TMEM35B: variants seen among roughly 807,000 people sequenced by gnomAD.
TMEM35B encodes ZMYM6 neighbor protein.
TMEM35B carries 6 observed loss-of-function variants against 8.7 expected under a neutral mutation model. That is an observed-to-expected ratio of 0.69 (90% CI 0.38 to 1.36). TMEM35B has a LOEUF of 1.36. Among genes scored for constraint, TMEM35B ranks in the 40% most tolerant of loss-of-function variants. TMEM35B has a pLI of 0.02. For synonymous variants in TMEM35B, 89 were observed against 87.0 expected (o/e 1.02, Z -0.13); for missense variants, 176 against 181.6 (o/e 0.97, Z 0.18).
At chr1:34,981,966 G>A (rs1343228069) in exon 3 of TMEM35B, 8 of 1,543,898 alleles carry the variant, frequency 5.2e-6, no homozygotes, top group Non-Finnish European at 7.0e-6. Flanking sequence ...TTCCTTGAAT[G>A]TACTTAGAGT....
At chr1:34,983,788 A>T in exon 2 of TMEM35B, 1 of 1,535,260 alleles carries the variant, frequency 6.5e-7, no homozygotes, top group Non-Finnish European at 8.8e-7. Flanking sequence ...AGAATCAAGA[A>T]CAAGTTACTG....
At chr1:34,981,446 C>T (rs1640505896), downstream of TMEM35B, 1 of 152,128 alleles carries the variant, frequency 6.6e-6, no homozygotes, top group Admixed American at 6.5e-5. Context: ...CCCAAATGTT[C>T]CTCATGGGGG....
chr1:34,985,148 G>A lies in TMEM35B; in HGVS notation c.108+50C>T, dbSNP rs1229862245. 3.5e-6 allele frequency: 5 copies of A among 1,436,716 alleles called. No individual in the cohort carries two copies. In the Admixed American group the frequency reaches 1.1e-4, roughly 32 times the overall value. 89.0% of individuals were successfully genotyped at this position (1,436,716 alleles called of 1,614,324 possible). A position where few individuals can be genotyped will look rare whatever the true frequency, so the allele number is the denominator to read the frequency against. Reference sequence around the variant, plus strand: ...CGGGGGCGAGGAGCGGCAGGGCGGAGCACACGCCGCCGCGGGCCCGATCCC... The same window carrying A: ...CGGGGGCGAGGAGCGGCAGGGCGGAACACACGCCGCCGCGGGCCCGATCCC... On this transcript the variant is annotated intron_variant, in intron 1 of 2. Transcript: ENST00000373337.
At position 34,983,590 on chromosome 1, in the gene TMEM35B, A is replaced by C. The variant is rs1416611205; in HGVS notation, c.289+177T>G. On this transcript the variant is annotated intron_variant, in intron 2 of 2. Transcript: ENST00000373337. ...CGAGACTCCATCTCAAAAAAAAAAA[A>C]AAAAAAAAAAAAAAATACCTGTGCT... Among the ~76,000 whole-genome samples, 19 of 150,736 alleles carry C rather than the reference A, an allele frequency of 1.3e-4. 1 individual carries two copies. The highest frequency in any genetic ancestry group is 4.4e-4 in the African/African-American group (18 of 40,746).
intron 2 of TMEM35B, among the ~76,000 whole-genome samples, chr1:34,983,386 G>T (rs1170148297): frequency 6.6e-6 from 1 of 151,926 alleles, no homozygotes; most frequent in Non-Finnish European, 1.5e-5. Flanking sequence ...AGACCATCCT[G>T]GCTAACATGG....
Position 34,985,285 on chromosome 1 carries a change from C to T in TMEM35B, c.21G>A (p.Val7=), listed in dbSNP as rs1387662568. The change falls in exon 1 of 3, where the codon GTG becomes GTA. Residue 7 remains valine (V), a synonymous_variant. Transcript: ENST00000373337. Reference sequence around the variant, plus strand: ...AGAAGCCGCCCAGCAGTACACGCAGCACCGAAAGCAGGAGCGCCATGGCCG... The same window carrying T: ...AGAAGCCGCCCAGCAGTACACGCAGTACCGAAAGCAGGAGCGCCATGGCCG... The T allele has an allele frequency of 1.9e-6, 3 of 1,539,652 alleles. No homozygotes were observed. The African/African-American group carries it at 4.2e-5, about 21-fold the overall frequency.
chr1:34,983,014 C>G (rs1440625199), intron 2 of TMEM35B, among the ~76,000 whole-genome samples: 1 of 152,154 alleles, frequency 6.6e-6, no homozygotes, highest in African/African-American at 2.4e-5. Flanking sequence ...GTGGGCAGAG[C>G]TACTTGAGGG....
chr1:34,984,290 G>A (rs1640539486), intron 1 of TMEM35B, among the ~76,000 whole-genome samples: 1 of 152,214 alleles, frequency 6.6e-6, no homozygotes, highest in African/African-American at 2.4e-5. Context: ...CCTTCTTTGT[G>A]TCTGGCCTGG....
At chr1:34,983,995 G>T in intron 1 of TMEM35B, 48 bp from the exon 2 acceptor site, 2 of 1,407,228 alleles carry the variant, frequency 1.4e-6, no homozygotes, top group African/African-American at 2.9e-5. Flanking sequence ...CAACAAGGAT[G>T]AGCTCCCCAG....
exon 2 of TMEM35B, chr1:34,983,831 C>G: frequency 1.3e-6 from 2 of 1,546,758 alleles, no homozygotes; most frequent in Non-Finnish European, 1.7e-6. Flanking sequence ...CCATGACCAG[C>G]AGCAACCCAG....
chr1:34,982,102 C>T (rs1640512854), exon 3 of TMEM35B: 1 of 1,546,474 alleles, frequency 6.5e-7, no homozygotes, highest in Admixed American at 2.0e-5. Flanking sequence ...TTCAGAGCTG[C>T]CAAGGTGAAG....
At chr1:34,985,114 CT>C (rs1640552890) in intron 1 of TMEM35B, 83 bp downstream of exon 1, 2 of 1,128,530 alleles carry the variant, frequency 1.8e-6, no homozygotes, top group Non-Finnish European at 2.3e-6. Flanking sequence ...CGAAGGCGGC[CT>C]GCCGGGCCGG....
At position 34,983,051 on chromosome 1, in the gene TMEM35B, T is replaced by C. The variant is rs116220932; in HGVS notation, c.289+716A>G. Among the ~76,000 whole-genome samples the C allele has an allele frequency of 6.3e-3, 966 of 152,298 alleles. 6 individuals carry two copies. Among genetic ancestry groups the C allele is most frequent in the African/African-American group, 0.022 (918 of 41,562 alleles). On this transcript the variant is annotated intron_variant, in intron 2 of 2. Coordinates refer to ENST00000373337, the Ensembl canonical transcript of TMEM35B. The stretch of plus-strand genomic sequence containing the variant: ...GACTCCCTAGGGAAATTCTCTGCCT[T>C]CCTGTTCAAGGTTCTCCAGCTTCCC...
At chr1:34,985,254 G>A (rs1477160024) in exon 1 of TMEM35B, 1 of 1,545,902 alleles carries the variant, frequency 6.5e-7, no homozygotes, top group Admixed American at 2.0e-5. Flanking sequence ...AACCCCACGA[G>A]CGCGAAGAAG....
At chr1:34,983,405 T>C (rs1390986866) in intron 2 of TMEM35B, among the ~76,000 whole-genome samples, 3 of 151,712 alleles carry the variant, frequency 2.0e-5, no homozygotes, top group Non-Finnish European at 4.4e-5. Context: ...GGTGAAACCC[T>C]GTCTCTACTA....
At chr1:34,984,833 A>C (rs1640547605) in intron 1 of TMEM35B, among the ~76,000 whole-genome samples, 1 of 151,898 alleles carries the variant, frequency 6.6e-6, no homozygotes, top group East Asian at 2.0e-4. Flanking sequence ...CGAACCTCCC[A>C]AAAACTGAAG....
intron 1 of TMEM35B, among the ~76,000 whole-genome samples, chr1:34,984,306 C>CTT: frequency 6.6e-6 from 1 of 152,324 alleles, no homozygotes; most frequent in South Asian, 2.1e-4. Context: ...CCTGGTTTCT[C>CTT]TTAAGGCTGC....
chr1:34,985,024 C>G (rs1241665893), intron 1 of TMEM35B, among the ~76,000 whole-genome samples, 174 bp downstream of exon 1: 2 of 152,074 alleles, frequency 1.3e-5, no homozygotes, highest in East Asian at 3.9e-4. Context: ...CCAGAGAACT[C>G]GAGGAACTCC....
At chr1:34,983,824 T>A in exon 2 of TMEM35B, 1 of 1,546,190 alleles carries the variant, frequency 6.5e-7, no homozygotes, top group Non-Finnish European at 8.7e-7. Context: ...GGTGGGCCCA[T>A]GACCAGCAGC....
Sources: gnomAD v4.1 joint callset for allele counts (sites outside exome capture counted in the v4.1 genomes callset) on GRCh38, gnomAD v4.1.1 for gene constraint, MANE v1.5 for transcripts, NCBI Gene and HGNC (gene_info 2026-07-23, HGNC 2026-07-21) for gene names.